Variants in CD109 observed in about 807,000 individuals in gnomAD.
CD109 encodes CD109 molecule, also known as CD109 antigen.
Under a neutral mutation model 165.8 loss-of-function variants are expected in CD109, and 149 were observed. That is an observed-to-expected ratio of 0.90 (90% CI 0.79 to 1.03). The LOEUF is 1.03. CD109 is among the 50% of genes least tolerant of loss of function. The pLI is 0.00. For synonymous variants in CD109, 585 were observed against 592.1 expected, an observed-to-expected ratio of 0.99 and a Z score of 0.18; for missense variants, 1,712 against 1,677.8, an observed-to-expected ratio of 1.02 and a Z score of -0.36.
At position 73,765,975 on chromosome 6, in the gene CD109, A is replaced by G. The variant is rs1320789007; in HGVS notation, c.1153A>G (p.Arg385Gly). The change falls in exon 11 of 33, where the codon AGA becomes GGA. Residue 385 changes from arginine to glycine, a missense_variant. Coordinates refer to ENST00000287097, the MANE Select transcript of CD109 (RefSeq NM_133493.5). ...ADGNQLTLEERRNNVVITVTQ... is the reference protein window; with the variant it reads ...ADGNQLTLEEGRNNVVITVTQ... ...TGGCAACCAACTGACTCTTGAAGAA[A>G]GAAGAAATAATGTAGTCATAACAGT... 4.3e-6 allele frequency: 7 copies of G among 1,614,148 alleles called. No individual in the cohort carries two copies. Among genetic ancestry groups the G allele is most frequent in the Non-Finnish European group, 5.9e-6 (7 of 1,179,990 alleles).
intron 17 of CD109, among the ~76,000 whole-genome samples, 153 bp from the exon 18 acceptor site, chr6:73,782,461 A>G (rs573778200): frequency 6.6e-6 from 1 of 152,128 alleles, no homozygotes; most frequent in Non-Finnish European, 1.5e-5. Context: ...ACCTTCTTCT[A>G]CCTTTTCACT....
intron 5 of CD109, among the ~76,000 whole-genome samples, chr6:73,746,780 G>T (rs1414583744): frequency 6.6e-6 from 1 of 152,148 alleles, no homozygotes; most frequent in African/African-American, 2.4e-5. Flanking sequence ...TTATTCCCAA[G>T]TCCTGTCACT....
At chr6:73,808,670 T>G (rs916666953) in intron 26 of CD109, among the ~76,000 whole-genome samples, 2 of 152,128 alleles carry the variant, frequency 1.3e-5, no homozygotes, top group African/African-American at 4.8e-5. Context: ...TTAAATGAGA[T>G]AATGTGCAAT....
rs373077325 is a variant in CD109 at position 73,765,938 on chromosome 6, A to C, written c.1116A>C (p.Val372=). 4.3e-6 allele frequency: 7 copies of C among 1,611,664 alleles called. No individual in the cohort carries two copies. The African/African-American group carries it at 5.3e-5, about 12-fold the overall frequency. The change falls in exon 11 of 33, where the codon GTA becomes GTC. Residue 372 remains valine, a synonymous_variant. Transcript: ENST00000287097. The stretch of plus-strand genomic sequence containing the variant: ...TTTGTTTTGACCATTAGGTGAAGGT[A>C]ACTCGTGCTGATGGCAACCAACTGA... ...PSLNFTATVK[V]TRADGNQLTL...
intron 15 of CD109, among the ~76,000 whole-genome samples, chr6:73,777,668 A>G (rs9350507): frequency 0.61 from 93,133 of 152,108 alleles, 29,702 homozygotes; most frequent in East Asian, 0.89. Context: ...ATTGAATAGG[A>G]AATCCTTTCC....
At chr6:73,819,348 C>G (rs901198211) in intron 31 of CD109, among the ~76,000 whole-genome samples, 1 of 152,136 alleles carries the variant, frequency 6.6e-6, no homozygotes, top group Admixed American at 6.5e-5. Flanking sequence ...AAAGTGCACA[C>G]AGTGTGTAGG....
rs117821274 is a variant in CD109 at position 73,743,382 on chromosome 6, G to A, written c.633+6874G>A. On this transcript the variant is annotated intron_variant, in intron 5 of 32. Transcript: ENST00000287097. ...CTTGAAGTCACTCTTCTGGAGCCCTGTATAATGAAACGGGTTATCAAATTA... is the reference window on the plus strand; with the variant it reads ...CTTGAAGTCACTCTTCTGGAGCCCTATATAATGAAACGGGTTATCAAATTA... Among the ~76,000 whole-genome samples, 295 of 152,324 alleles carry A rather than the reference G, an allele frequency of 1.9e-3. 1 individual carries two copies. The highest frequency in any genetic ancestry group is 2.1e-3 in the Non-Finnish European group (146 of 68,032).
At chr6:73,753,261 T>G (rs547663671) in intron 5 of CD109, among the ~76,000 whole-genome samples, 12 of 152,348 alleles carry the variant, frequency 7.9e-5, no homozygotes, top group African/African-American at 2.9e-4. Flanking sequence ...AGGAAAAGTT[T>G]GCAGATCCCT....
At chr6:73,811,404 T>C (rs62438714) in intron 28 of CD109, among the ~76,000 whole-genome samples, 42,014 of 151,834 alleles carry the variant, frequency 0.28, 7,305 homozygotes, top group Non-Finnish European at 0.38. Context: ...ACCTGTTGAG[T>C]TTCTATTCTT....
At chr6:73,763,002 G>A (rs961541347) in intron 9 of CD109, 120 bp downstream of exon 9, 2 of 897,384 alleles carry the variant, frequency 2.2e-6, no homozygotes, top group Admixed American at 5.4e-5. Flanking sequence ...GCTATTTAAT[G>A]TTGAAATTGT....
At chr6:73,742,399 G>A (rs1449167428) in intron 5 of CD109, among the ~76,000 whole-genome samples, 2 of 152,184 alleles carry the variant, frequency 1.3e-5, no homozygotes, top group Non-Finnish European at 2.9e-5. Context: ...ATTTGGTTGC[G>A]AATGTTTTTG....
chr6:73,728,499 A>G (rs1024845169), intron 3 of CD109, among the ~76,000 whole-genome samples: 1 of 152,212 alleles, frequency 6.6e-6, no homozygotes, highest in African/African-American at 2.4e-5. Flanking sequence ...TCTACCATTA[A>G]CATTTTACTA....
chr6:73,681,934 C>T, the CD109 span, among the ~76,000 whole-genome samples: 2 of 152,116 alleles, frequency 1.3e-5, no homozygotes, highest in African/African-American at 4.8e-5. Context: ...CATTAGATCT[C>T]ATGAGACTTA....
chr6:73,735,939 C>G (rs1314109280), intron 4 of CD109, among the ~76,000 whole-genome samples: 1 of 152,130 alleles, frequency 6.6e-6, no homozygotes, highest in Non-Finnish European at 1.5e-5. Context: ...CTACCACCAC[C>G]GCCGCCACCA....
intron 2 of CD109, among the ~76,000 whole-genome samples, chr6:73,697,944 G>T (rs1444756866): frequency 1.3e-5 from 2 of 152,194 alleles, no homozygotes; most frequent in Non-Finnish European, 2.9e-5. Flanking sequence ...GGCAAGGGAG[G>T]CTGGGAAGTG....
intron 23 of CD109, among the ~76,000 whole-genome samples, chr6:73,802,096 T>C (rs1173033074): frequency 6.6e-6 from 1 of 152,128 alleles, no homozygotes; most frequent in Non-Finnish European, 1.5e-5. Flanking sequence ...TATGCATTGC[T>C]TTGCAAATAT....
rs758021676 is a variant in CD109 at position 73,787,337 on chromosome 6, A to G, written c.2441A>G (p.Asp814Gly). ...CAGACCCTTCTGGTTCCCAGTGAGG[A>G]TGGGGCAACTGTTCTTTTTCCCATC... is the stretch of plus-strand genomic sequence containing the variant. ...HQQTLLVPSE[D>G]GATVLFPIRP... Residue 814 changes from aspartate to glycine, a missense_variant, in exon 21 of 33, where the codon GAT becomes GGT. Coordinates refer to ENST00000287097, the MANE Select transcript of CD109 (RefSeq NM_133493.5). 1.2e-5 allele frequency: 19 copies of G among 1,614,046 alleles called. No individual in the cohort carries two copies. Among genetic ancestry groups the G allele is most frequent in the Non-Finnish European group, 1.4e-5 (17 of 1,179,928 alleles).
At chr6:73,775,105 A>C (rs965669606) in intron 15 of CD109, among the ~76,000 whole-genome samples, 3 of 152,010 alleles carry the variant, frequency 2.0e-5, no homozygotes, top group African/African-American at 7.2e-5. Flanking sequence ...GCCAGTGAGA[A>C]CAGGAAGATT....
chr6:73,712,256 G>C (rs1349188859), intron 2 of CD109, among the ~76,000 whole-genome samples: 1 of 152,126 alleles, frequency 6.6e-6, no homozygotes, highest in African/African-American at 2.4e-5. Context: ...ATGAATTTGT[G>C]GGGGGAAAAC....
Sources: allele counts gnomAD v4.1 joint callset (sites outside exome capture counted in the v4.1 genomes callset), GRCh38; gene constraint gnomAD v4.1.1; transcripts MANE v1.5; gene names NCBI Gene and HGNC (gene_info 2026-07-23, HGNC 2026-07-21).